Variants in FMOD observed in about 807,000 individuals in gnomAD.
The protein encoded by FMOD is fibromodulin.
Under a neutral mutation model 27.0 loss-of-function variants are expected in FMOD, and 15 were observed. That is an observed-to-expected ratio of 0.55 (90% CI 0.37 to 0.85). FMOD has a LOEUF of 0.85. Ranked by LOEUF, FMOD falls within the 40% of genes least tolerant of loss-of-function variation. FMOD has a pLI of 0.00. For synonymous variants in FMOD, 210 were observed against 214.0 expected, an observed-to-expected ratio of 0.98 and a Z score of 0.16; for missense variants, 460 against 483.2, an observed-to-expected ratio of 0.95 and a Z score of 0.45.
intron 1 of FMOD, 65 bp from the exon 2 acceptor site, chr1:203,348,342 A>G: frequency 6.6e-7 from 1 of 1,520,006 alleles, no homozygotes; most frequent in Non-Finnish European, 8.9e-7. Context: ...GCAGTGAGGC[A>G]GAGTAGGCAA....
At position 203,347,603 on chromosome 1, in the gene FMOD, C is replaced by T. The variant is rs199917381; in HGVS notation, c.668G>A (p.Arg223Gln). The part of the protein sequence containing the change: ...QEVGSSMRGL[R>Q]SLILLDLSYN... ...ACTCAGGTCCAGCAAGATCAGTGAC[C>T]GGAGGCCCCTCATGGAACTGCCCAC... The change falls in exon 2 of 3, where the codon CGG (arginine) becomes CAG (glutamine). Residue 223 changes from arginine (R) to glutamine (Q), a missense_variant. Transcript: ENST00000354955. 34 of 1,614,048 alleles carry T rather than the reference C, an allele frequency of 2.1e-5. No homozygotes were observed. The highest frequency in any genetic ancestry group is 7.7e-5 in the South Asian group (7 of 91,078).
rs1410225099 is a variant in FMOD, at chr1:203,348,197, T to C, written c.74A>G (p.His25Arg). 1.9e-6 allele frequency: 3 copies of C among 1,614,014 alleles called. No individual in the cohort carries two copies. The African/African-American group carries it at 4.0e-5, about 22-fold the overall frequency. The change falls in exon 2 of 3, where the codon CAT (histidine) becomes CGT (arginine). Residue 25 changes from histidine to arginine, a missense_variant. By Grantham distance (29) the His-to-Arg change is conservative. Coordinates refer to ENST00000354955, the MANE Select transcript of FMOD (RefSeq NM_002023.5). ...LSQAQYEDDP[H>R]WWFHYLRSQQ... ...GCTGCGGAGGTAGTGGAACCACCAA[T>C]GAGGGTCATCTTCATACTGGGCCTG...
In FMOD at chr1:203,348,139, A is replaced by G. The variant is rs147357402; in HGVS notation, c.132T>C (p.Pro44=). ...AAGGCTCGTAGGTCTCATACGGGTA[A>G]GGGTCATAGGGATCGTAGTAGGTGG... ...QQSTYYDPYD[P]YPYETYEPYP... The change falls in exon 2 of 3, where the codon CCT becomes CCC. Residue 44 remains proline (P), a synonymous_variant. Transcript: ENST00000354955. 45 of 1,614,106 alleles carry G rather than the reference A, an allele frequency of 2.8e-5. No homozygotes were observed. In the Admixed American group the frequency reaches 6.7e-4, roughly 24 times the overall value.
rs1658813067 is a variant in FMOD, at chr1:203,342,488, G to A, written c.986C>T (p.Ser329Phe). 3 of 1,613,606 alleles carry A rather than the reference G, an allele frequency of 1.9e-6. No homozygotes were observed. In the South Asian group the frequency reaches 3.3e-5, roughly 18 times the overall value. Residue 329 changes from serine (S) to phenylalanine (F), a missense_variant, in exon 3 of 3, where the codon TCC becomes TTC. Ser to Phe is a radical substitution (Grantham distance 155, BLOSUM62 -2). Transcript: ENST00000354955. Reference protein sequence around the residue: ...YLQGNRINEFSISSFCTVVDV... With the variant: ...YLQGNRINEFFISSFCTVVDV... ...CACCACGGTGCAGAAGCTGCTGATG[G>A]AGAACTCTGTGGGGACAAGAGGAGC... is the stretch of plus-strand genomic sequence containing the variant.
rs1420619881 is a variant in FMOD at position 203,348,214 on chromosome 1, C to G, written c.57G>C (p.Gln19His). 6.2e-7 allele frequency: 1 copy of G among 1,614,066 alleles called. No individual in the cohort carries two copies. The highest frequency in any genetic ancestry group is 1.3e-5 in the African/African-American group (1 of 74,920). ...ACCACCAATGAGGGTCATCTTCATACTGGGCCTGGGAGAGGGAGAAGAGCC... is the reference window on the plus strand; with the variant it reads ...ACCACCAATGAGGGTCATCTTCATAGTGGGCCTGGGAGAGGGAGAAGAGCC... Reference protein sequence around the residue: ...LAGLFSLSQAQYEDDPHWWFH... With the variant: ...LAGLFSLSQAHYEDDPHWWFH... Residue 19 changes from glutamine to histidine, a missense_variant, in exon 2 of 3, where the codon CAG (glutamine) becomes CAC (histidine). Transcript: ENST00000354955.
intron 1 of FMOD, among the ~76,000 whole-genome samples, chr1:203,349,955 TG>T (rs1361482697): frequency 6.6e-6 from 1 of 152,232 alleles, no homozygotes; most frequent in African/African-American, 2.4e-5. Flanking sequence ...CTGGGCAAGC[TG>T]GCTGGTTCCT....
At position 203,348,126 on chromosome 1, in the gene FMOD, T is replaced by G. The variant is rs965718572; in HGVS notation, c.145A>C (p.Thr49Pro). 1.5e-5 allele frequency: 24 copies of G among 1,613,988 alleles called. 1 individual carries two copies. The Admixed American group carries it at 1.5e-4, about 10-fold the overall frequency. ...ACCCCATAGGGGTAAGGCTCGTAGG[T>G]CTCATACGGGTAAGGGTCATAGGGA... ...YDPYDPYPYE[T>P]YEPYPYGVDE... The change falls in exon 2 of 3, where the codon ACC becomes CCC. Residue 49 changes from threonine (T) to proline (P), a missense_variant. Transcript: ENST00000354955.
chr1:203,350,321 G>C (rs1334908482), intron 1 of FMOD, among the ~76,000 whole-genome samples: 6 of 152,148 alleles, frequency 3.9e-5, no homozygotes, highest in Non-Finnish European at 4.4e-5. Flanking sequence ...AATGCTAGAG[G>C]CCCTCCTGTG....
In FMOD at chr1:203,342,141, T is replaced by G. The variant is rs181653657; in HGVS notation, c.*202A>C. ...CACCACTTCTGTCCCTGGAAAAGAGTGAGCTTCTGCCTATGTCCTCAGCAG... is the reference window on the plus strand; with the variant it reads ...CACCACTTCTGTCCCTGGAAAAGAGGGAGCTTCTGCCTATGTCCTCAGCAG... On this transcript the variant is annotated 3_prime_UTR_variant, in exon 3 of 3. Coordinates refer to ENST00000354955, the MANE Select transcript of FMOD (RefSeq NM_002023.5). The G allele has an allele frequency of 2.4e-5, 13 of 538,130 alleles. No individual in the cohort carries two copies. In the East Asian group the frequency reaches 3.8e-4, roughly 16 times the overall value. 33.3% of individuals were successfully genotyped at this position (538,130 alleles called of 1,614,324 possible).
chr1:203,346,285 T>G (rs571429797), intron 2 of FMOD, among the ~76,000 whole-genome samples: 1 of 152,092 alleles, frequency 6.6e-6, no homozygotes, highest in African/African-American at 2.4e-5. Context: ...TGGTCGTTAA[T>G]GAGTCCTCCC....
Position 203,348,008 on chromosome 1 carries a change from G to A in FMOD, c.263C>T (p.Thr88Met), listed in dbSNP as rs777833449. The stretch of plus-strand genomic sequence containing the variant: ...GTTGCGATTGTCACAGTACATGGCC[G>A]TGGGGAAGTTGGGTGGGCAGTCGCA... ...QECDCPPNFP[T>M]AMYCDNRNLK... The change falls in exon 2 of 3, where the codon ACG becomes ATG. Residue 88 changes from threonine to methionine, a missense_variant. Coordinates refer to ENST00000354955, the MANE Select transcript of FMOD (RefSeq NM_002023.5). 3 of 1,608,334 alleles carry A rather than the reference G, an allele frequency of 1.9e-6. No individual in the cohort carries two copies. Among genetic ancestry groups the A allele is most frequent in the Non-Finnish European group, 2.5e-6 (3 of 1,176,628 alleles).
Position 203,342,405 on chromosome 1 carries a change from G to T in FMOD, c.1069C>A (p.Arg357Ser). ...VLRLDGNEIKRSAMPADAPLC... is the reference protein window; with the variant it reads ...VLRLDGNEIKSSAMPADAPLC... ...GGCGCGTCGGCAGGCATGGCGCTGC[G>T]CTTGATCTCGTTCCCGTCCAGGCGC... Residue 357 changes from arginine (R) to serine (S), a missense_variant, in exon 3 of 3, where the codon CGC becomes AGC. By Grantham distance (110) the Arg-to-Ser change is moderately radical. Coordinates refer to ENST00000354955, the MANE Select transcript of FMOD (RefSeq NM_002023.5). 1 of 1,614,116 alleles carries T rather than the reference G, an allele frequency of 6.2e-7. No individual in the cohort carries two copies. Among genetic ancestry groups the T allele is most frequent in the Non-Finnish European group, 8.5e-7 (1 of 1,180,016 alleles).
chr1:203,350,033 C>A (rs1260254297), intron 1 of FMOD, among the ~76,000 whole-genome samples: 1 of 152,244 alleles, frequency 6.6e-6, no homozygotes, highest in Non-Finnish European at 1.5e-5. Flanking sequence ...CCATGCACAG[C>A]CCTGGGCTGT....
At chr1:203,344,273 G>A (rs1658847862) in intron 2 of FMOD, among the ~76,000 whole-genome samples, 1 of 152,170 alleles carries the variant, frequency 6.6e-6, no homozygotes, top group African/African-American at 2.4e-5. Flanking sequence ...CCAGCCTGGA[G>A]CCCTCAGACT....
At chr1:203,346,261 A>G (rs957114830) in intron 2 of FMOD, among the ~76,000 whole-genome samples, 7 of 150,562 alleles carry the variant, frequency 4.6e-5, no homozygotes, top group Admixed American at 1.3e-4. Flanking sequence ...CTCCACTTCA[A>G]AGCCCTTTGC....
intron 2 of FMOD, 39 bp downstream of exon 2, chr1:203,347,253 T>G (rs956065552): frequency 8.3e-6 from 13 of 1,559,524 alleles, no homozygotes; most frequent in South Asian, 1.2e-5. Flanking sequence ...TCAAGTGAAA[T>G]AGACAGCCAG....
rs765371047 is a variant in FMOD at position 203,347,904 on chromosome 1, C to A, written c.367G>T (p.Gly123Cys). 6.2e-7 allele frequency: 1 copy of A among 1,613,486 alleles called. No individual in the cohort carries two copies. Among genetic ancestry groups the A allele is most frequent in the Non-Finnish European group, 8.5e-7 (1 of 1,179,472 alleles). Residue 123 changes from glycine (G) to cysteine (C), a missense_variant, in exon 2 of 3, where the codon GGC (glycine) becomes TGC (cysteine). Coordinates refer to ENST00000354955, the MANE Select transcript of FMOD (RefSeq NM_002023.5). ...QNNQITSIQEGVFDNATGLLW... is the reference protein window; with the variant it reads ...QNNQITSIQECVFDNATGLLW... ...AGCCCTGTGGCATTGTCAAAGACGCCTTCCTGGATGGAGGTGATCTGGTTG... is the reference window on the plus strand; with the variant it reads ...AGCCCTGTGGCATTGTCAAAGACGCATTCCTGGATGGAGGTGATCTGGTTG...
chr1:203,348,714 C>T (rs193007327), intron 1 of FMOD, among the ~76,000 whole-genome samples: 3 of 152,194 alleles, frequency 2.0e-5, no homozygotes, highest in East Asian at 1.9e-4. Flanking sequence ...TTGGATGTTC[C>T]GGGGAAATAG....
Position 203,341,254 on chromosome 1 carries a change from CCTT to C in FMOD, c.*1086_*1088del, listed in dbSNP as rs2102299943. 1 of 152,322 alleles carries C rather than the reference CCTT, an allele frequency of 6.6e-6. No individual in the cohort carries two copies. The highest frequency in any genetic ancestry group is 2.4e-5 in the African/African-American group (1 of 41,554). 9.4% of individuals were successfully genotyped at this position (152,322 alleles called of 1,614,324 possible). ...AGGTGAAACAGATTAACCACATCCT[CCTT>C]CTTTGGGCTAGCAAGTCCAGGGCTG... is the stretch of plus-strand genomic sequence containing the variant. On this transcript the variant is annotated 3_prime_UTR_variant, in exon 3 of 3. Transcript: ENST00000354955.
Sources: gnomAD v4.1 joint callset for allele counts (sites outside exome capture counted in the v4.1 genomes callset) on GRCh38, gnomAD v4.1.1 for gene constraint, MANE v1.5 for transcripts, NCBI Gene and HGNC (gene_info 2026-07-23, HGNC 2026-07-21) for gene names.